Variants in ACER1 observed in about 807,000 individuals in gnomAD.
ACER1 encodes alkaline ceramidase 1.
In ACER1, 28 loss-of-function variants were observed where a neutral mutation model predicts 24.9. The observed-to-expected ratio is 1.13, with a 90% CI of 0.83 to 1.54. ACER1 has a LOEUF of 1.54. Among genes scored for constraint, ACER1 ranks in the 40% most tolerant of loss-of-function variants. The pLI is 0.00. For synonymous variants in ACER1, 132 were observed against 131.4 expected, an observed-to-expected ratio of 1.00 and a Z score of -0.03; for missense variants, 352 against 349.3, an observed-to-expected ratio of 1.01 and a Z score of -0.06.
intron 1 of ACER1, among the ~76,000 whole-genome samples, chr19:6,316,968 CTT>C (rs71174911): frequency 2.6e-4 from 30 of 117,208 alleles, no homozygotes; most frequent in African/African-American, 9.6e-4. Flanking sequence ...CCCTCCCCAT[CTT>C]TTTTTTTTTT....
chr19:6,312,100 A>G (rs781640821), intron 3 of ACER1, 49 bp downstream of exon 3: 4 of 1,595,178 alleles, frequency 2.5e-6, no homozygotes, highest in Admixed American at 1.7e-5. Flanking sequence ...TGTAGAGTCA[A>G]CTGAAGACTC....
At chr19:6,342,139 A>T in the ACER1 span, among the ~76,000 whole-genome samples, 1 of 152,208 alleles carries the variant, frequency 6.6e-6, no homozygotes, top group Non-Finnish European at 1.5e-5. Context: ...CACAAAGGAC[A>T]TTATTGGGTA....
intron 1 of ACER1, among the ~76,000 whole-genome samples, chr19:6,323,695 C>A (rs533561572): frequency 2.0e-5 from 3 of 152,338 alleles, no homozygotes; most frequent in African/African-American, 7.2e-5. Context: ...TATTTTCCTG[C>A]CCTCCCATCT....
At chr19:6,339,361 A>G in the ACER1 span, among the ~76,000 whole-genome samples, 1 of 152,284 alleles carries the variant, frequency 6.6e-6, no homozygotes, top group South Asian at 2.1e-4. Flanking sequence ...AATAAGCCAG[A>G]CATAAAAGGA....
rs924631737 is a variant in ACER1, at chr19:6,333,562, T to C, written c.-11A>G. On this transcript the variant is annotated 5_prime_UTR_variant, in exon 1 of 6. Transcript: ENST00000301452. ...GAAGATGCTAGGCATCTTGTCTCAG[T>C]GGCCACCACCAGCCGGCTGCGCCCG... 9 of 1,570,512 alleles carry C rather than the reference T, an allele frequency of 5.7e-6. No homozygotes were observed. The highest frequency in any genetic ancestry group is 2.3e-5 in the East Asian group (1 of 42,864).
intron 3 of ACER1, among the ~76,000 whole-genome samples, chr19:6,310,677 GAGA>G (rs1383940765): frequency 1.4e-4 from 22 of 151,894 alleles, no homozygotes; most frequent in African/African-American, 5.1e-4. Flanking sequence ...TCAGGAGTTC[GAGA>G]CCAGCCTGGG....
At chr19:6,342,089 G>A in the ACER1 span, among the ~76,000 whole-genome samples, 2 of 152,088 alleles carry the variant, frequency 1.3e-5, no homozygotes, top group African/African-American at 2.4e-5. Flanking sequence ...AATGGTTACC[G>A]TACAGATGGG....
At chr19:6,326,371 C>T (rs967120630) in intron 1 of ACER1, among the ~76,000 whole-genome samples, 6 of 152,132 alleles carry the variant, frequency 3.9e-5, no homozygotes, top group South Asian at 4.1e-4. Flanking sequence ...TGTGATCCGC[C>T]GGCCTCGGCC....
the ACER1 span, chr19:6,343,798 G>A: frequency 1.3e-5 from 2 of 152,180 alleles, no homozygotes; most frequent in Non-Finnish European, 2.9e-5. Context: ...TGGGAAGGGA[G>A]CCTGAATCTT....
intron 1 of ACER1, among the ~76,000 whole-genome samples, chr19:6,330,691 CAG>C (rs140598124): frequency 0.04 from 5,953 of 149,860 alleles, 696 homozygotes; most frequent in African/African-American, 0.12. Flanking sequence ...CTGGGGATTC[CAG>C]AGAGAAGAGC....
At chr19:6,315,677 C>A (rs537217932) in intron 1 of ACER1, among the ~76,000 whole-genome samples, 2 of 145,852 alleles carry the variant, frequency 1.4e-5, no homozygotes, top group Admixed American at 1.4e-4. Context: ...CCACGGCCAG[C>A]CTAATTTTTG....
Position 6,312,375 on chromosome 19 carries a change from A to G in ACER1, c.208+10T>C. The G allele has an allele frequency of 6.2e-7, 1 of 1,613,414 alleles. No homozygotes were observed. The highest frequency in any genetic ancestry group is 8.5e-7 in the Non-Finnish European group (1 of 1,179,708). On this transcript the variant is annotated intron_variant, in intron 2 of 5. Transcript: ENST00000301452. The stretch of plus-strand genomic sequence containing the variant: ...CCCGACTGTCACAGACCTGAACCAC[A>G]CCTCCCTACCTATGATCATGAAGAG...
Position 6,307,382 on chromosome 19 carries a change from C to T in ACER1, c.489-92G>A, listed in dbSNP as rs562608344. ...TTCCTCCTTCCACAGTGATGAGGCT[C>T]AGAGGTTGGGAGAAGGGAAAGAGCA... is the stretch of plus-strand genomic sequence containing the variant. On this transcript the variant is annotated intron_variant, in intron 4 of 5. Transcript: ENST00000301452. 2.5e-4 allele frequency: 366 copies of T among 1,455,146 alleles called. 1 individual carries two copies. In the African/African-American group the frequency reaches 4.4e-3, roughly 17 times the overall value. 90.1% of individuals were successfully genotyped at this position (1,455,146 alleles called of 1,614,324 possible). A position where few individuals can be genotyped will look rare whatever the true frequency, so the allele number is the denominator to read the frequency against.
chr19:6,344,223 T>C, the ACER1 span, among the ~76,000 whole-genome samples: 1 of 151,750 alleles, frequency 6.6e-6, no homozygotes, highest in African/African-American at 2.4e-5. Context: ...GAGCCGAGAT[T>C]GCGCCACTGC....
At chr19:6,325,019 G>A (rs944247404) in intron 1 of ACER1, among the ~76,000 whole-genome samples, 1 of 152,008 alleles carries the variant, frequency 6.6e-6, no homozygotes, top group Non-Finnish European at 1.5e-5. Flanking sequence ...CCCACACCTG[G>A]ACCTCTTCCC....
Position 6,309,777 on chromosome 19 carries a change from G to A in ACER1, c.408C>T (p.Phe136=). ...CGTAGGCGTTGACCGTGGGCCGCAG[G>A]AAGGACAGAAGGGTGCTGACCACAG... ...ITTVVSTLLS[F]LRPTVNAYAL... Residue 136 remains phenylalanine (F), a synonymous_variant, in exon 4 of 6, where the codon TTC becomes TTT. Transcript: ENST00000301452. 1 of 1,614,120 alleles carries A rather than the reference G, an allele frequency of 6.2e-7. No homozygotes were observed. Among genetic ancestry groups the A allele is most frequent in the South Asian group, 1.1e-5 (1 of 91,080 alleles).
At chr19:6,336,834 A>G (rs529710630), upstream of ACER1, among the ~76,000 whole-genome samples, 146 of 148,418 alleles carry the variant, frequency 9.8e-4, 1 homozygote, top group South Asian at 8.0e-3. Flanking sequence ...AAAAAAAAAA[A>G]AAAGAAAAAG....
chr19:6,306,166 G>A lies in ACER1; in HGVS notation c.*548C>T, dbSNP rs1039054605. 9 of 152,370 alleles carry A rather than the reference G, an allele frequency of 5.9e-5. No individual in the cohort carries two copies. Among genetic ancestry groups the A allele is most frequent in the African/African-American group, 2.2e-4 (9 of 41,454 alleles). The allele number at this position is 152,370 out of a possible 1,614,324, so 9.4% of individuals were successfully genotyped here. On this transcript the variant is annotated 3_prime_UTR_variant, in exon 6 of 6. Transcript: ENST00000301452. ...GGGTTCAAGCGATTCTCCTGCCTCA[G>A]CCTCCCAAGTAGCTGAGATTACAGG... is the stretch of plus-strand genomic sequence containing the variant.
In ACER1 at chr19:6,312,151, G is replaced by T. The variant is rs766042957; in HGVS notation, c.348C>A (p.Asn116Lys). The T allele has an allele frequency of 1.2e-6, 2 of 1,613,446 alleles. No individual in the cohort carries two copies. Among genetic ancestry groups the T allele is most frequent in the African/African-American group, 2.7e-5 (2 of 74,910 alleles). ...CAGATGGCCAGCCCCTGACCCACCT[G>T]TTCCCCCCAAGGAAGGAGGGGAAAT... ...RCYFPSFLGG[N>K]RSQFIRLVFI... is the part of the protein sequence containing the mutation. Residue 116 changes from asparagine to lysine, a missense_variant and splice_region_variant, in exon 3 of 6, where the codon AAC (asparagine) becomes AAA (lysine). Transcript: ENST00000301452.
Sources: gnomAD v4.1 joint callset for allele counts (sites outside exome capture counted in the v4.1 genomes callset) on GRCh38, gnomAD v4.1.1 for gene constraint, MANE v1.5 for transcripts, NCBI Gene and HGNC (gene_info 2026-07-23, HGNC 2026-07-21) for gene names.